The following DLGAP1 variants were observed in gnomAD, a reference collection of about 807,000 sequenced individuals.
The protein encoded by DLGAP1 is DLG associated protein 1.
DLGAP1 carries 11 observed loss-of-function variants against 90.8 expected under a neutral mutation model. That is an observed-to-expected ratio of 0.12 (90% CI 0.08 to 0.20). DLGAP1 has a LOEUF of 0.20. Among genes scored for constraint, DLGAP1 ranks in the 10% least tolerant of loss-of-function variants. The pLI, the probability that DLGAP1 is intolerant of heterozygous loss-of-function variation, is 1.00. For synonymous variants in DLGAP1, 558 were observed against 540.7 expected (o/e 1.03, Z -0.44); for missense variants, 1,050 against 1,333.8 (o/e 0.79, Z 3.31).
chr18:4,159,930 G>A (rs2076817553), intron 1 of DLGAP1, among the ~76,000 whole-genome samples: 1 of 152,154 alleles, frequency 6.6e-6, no homozygotes, highest in Non-Finnish European at 1.5e-5. Context: ...TTTGGCTAAA[G>A]GACTCTGCTG....
chr18:4,199,092 T>C (rs2077558991), intron 1 of DLGAP1, among the ~76,000 whole-genome samples: 1 of 152,180 alleles, frequency 6.6e-6, no homozygotes, highest in African/African-American at 2.4e-5. Context: ...CAATGAATAA[T>C]GAGAGGAGCA....
At chr18:4,359,184 G>A (rs994804293) in intron 1 of DLGAP1, among the ~76,000 whole-genome samples, 4 of 152,214 alleles carry the variant, frequency 2.6e-5, no homozygotes, top group African/African-American at 9.6e-5. Context: ...TTCAGGACAT[G>A]CTACCGTAAA....
At chr18:4,443,472 T>C (rs1463144602) in intron 1 of DLGAP1, among the ~76,000 whole-genome samples, 1 of 152,212 alleles carries the variant, frequency 6.6e-6, no homozygotes, top group Non-Finnish European at 1.5e-5. Flanking sequence ...AATTCATTTT[T>C]TCATAAATAT....
chr18:3,776,717 T>C (rs573123782), intron 5 of DLGAP1, among the ~76,000 whole-genome samples: 1 of 152,320 alleles, frequency 6.6e-6, no homozygotes, highest in East Asian at 1.9e-4. Context: ...ATTTGCTCAG[T>C]TGCTATTTAA....
intron 2 of DLGAP1, among the ~76,000 whole-genome samples, chr18:4,027,977 C>T (rs1364701665): frequency 6.6e-6 from 1 of 152,188 alleles, no homozygotes; most frequent in African/African-American, 2.4e-5. Flanking sequence ...GATAACCAAT[C>T]AGTTGTGGTG....
At chr18:4,410,352 A>G (rs897046798) in intron 1 of DLGAP1, among the ~76,000 whole-genome samples, 5 of 152,208 alleles carry the variant, frequency 3.3e-5, no homozygotes, top group African/African-American at 1.2e-4. Context: ...TAGATTTTCA[A>G]TATTAAAATA....
intron 5 of DLGAP1, among the ~76,000 whole-genome samples, chr18:3,791,528 G>A (rs1410949608): frequency 1.4e-5 from 2 of 147,546 alleles, no homozygotes; most frequent in African/African-American, 5.0e-5. Flanking sequence ...GTGTGTGTGT[G>A]TGTGCACGCA....
intron 7 of DLGAP1, among the ~76,000 whole-genome samples, chr18:3,697,726 T>A (rs1055262086): frequency 6.6e-6 from 1 of 152,122 alleles, no homozygotes; most frequent in Non-Finnish European, 1.5e-5. Context: ...ATAGACCAAG[T>A]CCTGAATTTC....
intron 2 of DLGAP1, among the ~76,000 whole-genome samples, chr18:4,096,677 C>T (rs1431185651): frequency 2.0e-5 from 3 of 152,066 alleles, no homozygotes; most frequent in South Asian, 2.1e-4. Flanking sequence ...AGAATGGAGC[C>T]GAATAGGTTC....
chr18:4,240,624 C>G (rs958190285), intron 1 of DLGAP1, among the ~76,000 whole-genome samples: 4 of 152,068 alleles, frequency 2.6e-5, no homozygotes, highest in Non-Finnish European at 5.9e-5. Flanking sequence ...GAAAATGAAA[C>G]AAATAGAATA....
chr18:3,615,061 C>T (rs891344784), intron 7 of DLGAP1, among the ~76,000 whole-genome samples: 1 of 151,818 alleles, frequency 6.6e-6, no homozygotes, highest in Non-Finnish European at 1.5e-5. Context: ...ACTGAGATTA[C>T]AGGCGCCCGC....
chr18:4,372,881 T>C (rs996874509), intron 1 of DLGAP1, among the ~76,000 whole-genome samples: 5 of 149,480 alleles, frequency 3.3e-5, no homozygotes, highest in African/African-American at 1.2e-4. Context: ...TGAGCCGAGA[T>C]CAAGCCACTA....
intron 10 of DLGAP1, among the ~76,000 whole-genome samples, chr18:3,510,050 T>G (rs2050454854): frequency 6.6e-6 from 1 of 152,216 alleles, no homozygotes; most frequent in African/African-American, 2.4e-5. Flanking sequence ...ACAATTTTTC[T>G]GCTCTGCTTT....
At chr18:4,107,963 C>T (rs994240674) in intron 2 of DLGAP1, among the ~76,000 whole-genome samples, 3 of 152,128 alleles carry the variant, frequency 2.0e-5, no homozygotes, top group Non-Finnish European at 4.4e-5. Context: ...GAAAATGCTA[C>T]CTCAAAATAT....
At chr18:4,350,333 G>A (rs772269866) in intron 1 of DLGAP1, among the ~76,000 whole-genome samples, 20 of 151,998 alleles carry the variant, frequency 1.3e-4, no homozygotes, top group Non-Finnish European at 2.6e-4. Flanking sequence ...TACCAAAACC[G>A]ATTGTTTTTA....
intron 5 of DLGAP1, among the ~76,000 whole-genome samples, chr18:3,796,495 G>A (rs554947278): frequency 2.0e-5 from 3 of 152,290 alleles, no homozygotes; most frequent in South Asian, 2.1e-4. Flanking sequence ...TATGAAAAAT[G>A]TTTCTAATAA....
chr18:3,896,781 C>T (rs1347869719), intron 3 of DLGAP1: 2 of 152,290 alleles, frequency 1.3e-5, no homozygotes. Flanking sequence ...TCCTCTTTCC[C>T]AAGGTGTGTC....
chr18:3,894,705 A>T (rs546660401), intron 3 of DLGAP1: 1 of 152,326 alleles, frequency 6.6e-6, no homozygotes, highest in East Asian at 1.9e-4. Flanking sequence ...GATTAAAAAT[A>T]TGGAATGCTT....
intron 9 of DLGAP1, among the ~76,000 whole-genome samples, chr18:3,557,264 G>A (rs1568189911): frequency 6.6e-6 from 1 of 152,198 alleles, no homozygotes; most frequent in Non-Finnish European, 1.5e-5. Context: ...GCTCACGCCT[G>A]TAATCCCAGC....
Sources: gnomAD v4.1 joint callset for allele counts (sites outside exome capture counted in the v4.1 genomes callset) on GRCh38, gnomAD v4.1.1 for gene constraint, MANE v1.5 for transcripts, NCBI Gene and HGNC (gene_info 2026-07-23, HGNC 2026-07-21) for gene names.